SH3BP4: variants seen among roughly 807,000 people sequenced by gnomAD.
SH3BP4 encodes SH3 domain-binding protein 4.
In SH3BP4, 33 loss-of-function variants were observed where a neutral mutation model predicts 65.5. The ratio of observed to expected loss-of-function variants is 0.50; its 90% CI spans 0.38 to 0.67. SH3BP4 has a LOEUF of 0.67. SH3BP4 is among the 30% of genes least tolerant of loss of function. The probability of loss-of-function intolerance (pLI) is 0.00; values close to 1 mark genes in which losing one functional copy is unlikely to be tolerated. For synonymous variants in SH3BP4, 552 were observed against 545.5 expected (o/e 1.01, Z -0.17); for missense variants, 1,134 against 1,261.4 (o/e 0.90, Z 1.53).
At chr2:235,008,143 G>C (rs1252954222) in intron 2 of SH3BP4, among the ~76,000 whole-genome samples, 2 of 152,204 alleles carry the variant, frequency 1.3e-5, no homozygotes, top group Non-Finnish European at 2.9e-5. Context: ...TGAGCCATTA[G>C]GTGGGATCTG....
intron 3 of SH3BP4, among the ~76,000 whole-genome samples, chr2:235,038,334 ATATAGTATATATATTTTAT>A (rs1695487828): frequency 4.1e-4 from 1 of 2,448 alleles, no homozygotes; most frequent in African/African-American, 1.3e-3. Context: ...TATATATTAT[ATATAGTATATATATTTTAT>A]ATATATATAT....
intron 1 of SH3BP4, among the ~76,000 whole-genome samples, chr2:234,966,186 C>G (rs955120077): frequency 1.3e-5 from 2 of 152,122 alleles, no homozygotes; most frequent in Non-Finnish European, 2.9e-5. Context: ...CCAGACCAGC[C>G]TGGCCAACAT....
chr2:235,018,534 C>A (rs547353887), intron 2 of SH3BP4, among the ~76,000 whole-genome samples: 1 of 152,264 alleles, frequency 6.6e-6, no homozygotes, highest in East Asian at 1.9e-4. Context: ...CATTCTTCCA[C>A]CCCTCCATGA....
chr2:234,973,767 C>G (rs1319006240), intron 1 of SH3BP4, among the ~76,000 whole-genome samples: 1 of 151,988 alleles, frequency 6.6e-6, no homozygotes, highest in South Asian at 2.1e-4. Flanking sequence ...TCCTGAGTAG[C>G]TGGGCCCACA....
chr2:235,050,993 G>T (rs1300702637), intron 4 of SH3BP4, among the ~76,000 whole-genome samples: 1 of 152,188 alleles, frequency 6.6e-6, no homozygotes, highest in Non-Finnish European at 1.5e-5. Flanking sequence ...GGGAGCCTCA[G>T]AAACCGTCTC....
chr2:234,964,096 G>A (rs1692779915), intron 1 of SH3BP4, among the ~76,000 whole-genome samples: 1 of 152,184 alleles, frequency 6.6e-6, no homozygotes, highest in Admixed American at 6.5e-5. Flanking sequence ...GTATTTGTGA[G>A]TCATCCACCT....
chr2:235,048,021 G>A (rs956426747), intron 4 of SH3BP4, among the ~76,000 whole-genome samples: 17 of 152,164 alleles, frequency 1.1e-4, no homozygotes, highest in South Asian at 2.1e-4. Context: ...GCATTGGGGC[G>A]GGAAAGACTG....
rs903339976 is a variant in SH3BP4, at chr2:235,008,899, TTG to T, written c.-133+13525_-133+13526del. Among the ~76,000 whole-genome samples, 13 of 152,332 alleles carry T rather than the reference TTG, an allele frequency of 8.5e-5. 1 individual carries two copies. The highest frequency in any genetic ancestry group is 8.3e-4 in the South Asian group (4 of 4,830). On this transcript the variant is annotated intron_variant, in intron 2 of 5. Coordinates refer to ENST00000392011, the MANE Select transcript of SH3BP4 (RefSeq NM_014521.3). Reference sequence around the variant, plus strand: ...GCAGCTGGCTGCTGCCTGCCTGTTTTTGTCTGACTGTCCTGTAAGCTCTACCA... The same window carrying T: ...GCAGCTGGCTGCTGCCTGCCTGTTTTTCTGACTGTCCTGTAAGCTCTACCA...
At position 234,974,567 on chromosome 2, in the gene SH3BP4, G is replaced by A. The variant is rs998256670; in HGVS notation, c.-206-20736G>A. On this transcript the variant is annotated intron_variant, in intron 1 of 5. Coordinates refer to ENST00000392011, the MANE Select transcript of SH3BP4 (RefSeq NM_014521.3). This position sits in a 1 kb window ranked among gnomAD's most constrained non-coding sequence, Gnocchi z 4.6. ...ACTTGGAAGCCCAGAAAAAGCTTCT[G>A]TGTTTAGCCCTTCAGTTTCTTGCCT... Among the ~76,000 whole-genome samples the A allele has an allele frequency of 6.6e-6, 1 of 152,192 alleles. No homozygotes were observed. The highest frequency in any genetic ancestry group is 2.1e-4 in the South Asian group (1 of 4,830).
intron 2 of SH3BP4, among the ~76,000 whole-genome samples, chr2:235,020,358 G>C (rs557220103): frequency 6.6e-6 from 1 of 152,218 alleles, no homozygotes; most frequent in African/African-American, 2.4e-5. Context: ...TTAGCCAGGC[G>C]TGGTGGCGCG....
intron 1 of SH3BP4, among the ~76,000 whole-genome samples, chr2:234,963,477 T>C (rs571514454): frequency 7.9e-5 from 12 of 152,340 alleles, no homozygotes; most frequent in African/African-American, 2.9e-4. Flanking sequence ...CCATCCTTTT[T>C]GGGGGAATGC....
Position 235,031,591 on chromosome 2 carries a change from C to T in SH3BP4, c.-132-3280C>T, listed in dbSNP as rs376010763. Among the ~76,000 whole-genome samples the T allele has an allele frequency of 9.3e-4, 141 of 152,366 alleles. 1 individual carries two copies. Among genetic ancestry groups the T allele is most frequent in the African/African-American group, 3.0e-3 (125 of 41,594 alleles). ...CGTTCCGCCAGCTTACCTGGCCTCC[C>T]GCCTTTGCTGTGGGCTCCACCACAG... On this transcript the variant is annotated intron_variant, in intron 2 of 5. Coordinates refer to ENST00000392011, the MANE Select transcript of SH3BP4 (RefSeq NM_014521.3).
chr2:234,960,760 A>G (rs1418710514), intron 1 of SH3BP4, among the ~76,000 whole-genome samples: 1 of 152,144 alleles, frequency 6.6e-6, no homozygotes, highest in Non-Finnish European at 1.5e-5. Flanking sequence ...GCACTGAGAC[A>G]CTTCTGTACA....
In SH3BP4 at chr2:235,052,190, C is replaced by G. The variant is rs879783028; in HGVS notation, c.2479-372C>G. ...GCCTCCGTCTTCACACGGCCTTCTTCTCTCTGCCTCTCTGTCTGCTTTCTC... is the reference window on the plus strand; with the variant it reads ...GCCTCCGTCTTCACACGGCCTTCTTGTCTCTGCCTCTCTGTCTGCTTTCTC... On this transcript the variant is annotated intron_variant, in intron 4 of 5. Coordinates refer to ENST00000392011, the MANE Select transcript of SH3BP4 (RefSeq NM_014521.3). This position sits in a 1 kb window ranked among gnomAD's most constrained non-coding sequence, Gnocchi z 5.0. Among the ~76,000 whole-genome samples the G allele has an allele frequency of 2.0e-3, 231 of 113,932 alleles. 1 individual carries two copies. Among genetic ancestry groups the G allele is most frequent in the Middle Eastern group, 9.9e-3 (2 of 202 alleles). 74.7% of individuals were successfully genotyped at this position (113,932 alleles called of 152,430 possible).
chr2:235,043,984 G>A (rs186838380), intron 4 of SH3BP4, among the ~76,000 whole-genome samples: 1 of 152,350 alleles, frequency 6.6e-6, no homozygotes, highest in East Asian at 1.9e-4. Flanking sequence ...GATGCGGGTG[G>A]GGGCAGAAGG....
In SH3BP4 at chr2:235,046,423, T is replaced by C. The variant is rs1244560680; in HGVS notation, c.2478+3176T>C. ...ATCTCTCCAATTTTTTTTTTTTAAA[T>C]CAGCCAGGTGTGTTGGTGTGCACCT... On this transcript the variant is annotated intron_variant, in intron 4 of 5. Transcript: ENST00000392011. This position sits in a 1 kb window ranked among gnomAD's most constrained non-coding sequence, Gnocchi z 4.2. 1.3e-5 allele frequency among the ~76,000 whole-genome samples: 2 copies of C among 151,838 alleles called. No homozygotes were observed. Among genetic ancestry groups the C allele is most frequent in the African/African-American group, 4.8e-5 (2 of 41,298 alleles).
intron 2 of SH3BP4, among the ~76,000 whole-genome samples, chr2:235,014,539 C>T (rs1048545728): frequency 1.3e-5 from 2 of 152,198 alleles, no homozygotes; most frequent in African/African-American, 4.8e-5. Context: ...CCGTGGACAT[C>T]TATTCTCAGT....
At chr2:234,975,235 G>A (rs573207881) in intron 1 of SH3BP4, among the ~76,000 whole-genome samples, 1 of 152,328 alleles carries the variant, frequency 6.6e-6, no homozygotes, top group Admixed American at 6.5e-5. Context: ...ATCGGGGACA[G>A]CAGCAGTTGC....
Position 234,981,552 on chromosome 2 carries a change from C to T in SH3BP4, c.-206-13751C>T, listed in dbSNP as rs575021624. 4 of 152,258 alleles carry T rather than the reference C, an allele frequency of 2.6e-5. No individual in the cohort carries two copies. The East Asian group carries it at 7.7e-4, about 29-fold the overall frequency. The allele number at this position is 152,258 out of a possible 1,614,324, so 9.4% of individuals were successfully genotyped here. On this transcript the variant is annotated intron_variant, in intron 1 of 5. Transcript: ENST00000392011. ...ACGGGTCTGGGGAGAATTTGCCCAG[C>T]GTGTTTAGAAGGAATGCATTCCTGG... is the stretch of plus-strand genomic sequence containing the variant.
Sources: gnomAD v4.1 joint callset for allele counts (sites outside exome capture counted in the v4.1 genomes callset) on GRCh38, gnomAD v4.1.1 for gene constraint, Gnocchi (gnomAD v3.1) non-coding constraint, MANE v1.5 for transcripts, NCBI Gene and HGNC (gene_info 2026-07-23, HGNC 2026-07-21) for gene names.